RIMS1: variants seen among roughly 807,000 people sequenced by gnomAD.
The protein encoded by RIMS1 is regulating synaptic membrane exocytosis 1.
A neutral mutation model predicts 214.1 loss-of-function variants in RIMS1; 83 were observed. That is an observed-to-expected ratio of 0.39 (90% CI 0.32 to 0.47). The LOEUF (loss-of-function observed/expected upper bound fraction) is 0.47. Ranked by LOEUF, RIMS1 falls within the 20% of genes least tolerant of loss-of-function variation. RIMS1 has a pLI of 0.99. For missense variants in RIMS1, 2,050 were observed against 2,161.8 expected, an observed-to-expected ratio of 0.95 and a Z score of 1.03; for synonymous variants, 793 against 786.8, an observed-to-expected ratio of 1.01 and a Z score of -0.13.
chr6:72,277,594 A>AC (rs2087271291), intron 23 of RIMS1, among the ~76,000 whole-genome samples: 1 of 151,680 alleles, frequency 6.6e-6, no homozygotes. Context: ...AAAAAAAAAA[A>AC]GAATATTTTC....
intron 6 of RIMS1, among the ~76,000 whole-genome samples, chr6:72,217,923 T>C (rs150781677): frequency 7.0e-4 from 106 of 152,278 alleles, no homozygotes; most frequent in African/African-American, 2.5e-3. Flanking sequence ...CTTCTGGCCC[T>C]TGTTTCCCTT....
intron 24 of RIMS1, among the ~76,000 whole-genome samples, chr6:72,284,871 AGTT>A (rs1338638573): frequency 6.6e-6 from 1 of 152,174 alleles, no homozygotes; most frequent in African/African-American, 2.4e-5. Context: ...ACACAAGAAA[AGTT>A]GTGCAGTAAG....
At chr6:72,064,342 A>G (rs958302508) in intron 2 of RIMS1, among the ~76,000 whole-genome samples, 6 of 151,748 alleles carry the variant, frequency 4.0e-5, no homozygotes, top group African/African-American at 1.5e-4. Flanking sequence ...AGAGAGAGAG[A>G]GAGAGAGAGG....
intron 2 of RIMS1, among the ~76,000 whole-genome samples, chr6:72,034,950 G>A (rs527625): frequency 0.77 from 117,836 of 152,094 alleles, 46,276 homozygotes; most frequent in African/African-American, 0.91. Flanking sequence ...GACATTATAA[G>A]CCATAATAAC....
At chr6:72,028,396 T>A (rs1817144952) in intron 2 of RIMS1, among the ~76,000 whole-genome samples, 1 of 152,196 alleles carries the variant, frequency 6.6e-6, no homozygotes, top group Non-Finnish European at 1.5e-5. Flanking sequence ...TATTTAATTT[T>A]TAATATCTGT....
intron 28 of RIMS1, among the ~76,000 whole-genome samples, chr6:72,327,253 A>T (rs536521826): frequency 6.6e-6 from 1 of 151,908 alleles, no homozygotes; most frequent in African/African-American, 2.4e-5. Context: ...TAATTATTTC[A>T]TACCAAATCA....
intron 1 of RIMS1, among the ~76,000 whole-genome samples, chr6:71,931,402 T>C (rs569765991): frequency 3.9e-5 from 6 of 152,196 alleles, no homozygotes; most frequent in African/African-American, 1.4e-4. Flanking sequence ...TTTGCAGATA[T>C]ATTGAATTAT....
At chr6:72,111,572 T>C (rs2036093795) in intron 4 of RIMS1, among the ~76,000 whole-genome samples, 1 of 152,208 alleles carries the variant, frequency 6.6e-6, no homozygotes, top group African/African-American at 2.4e-5. Flanking sequence ...AGTTCCACTT[T>C]TTCAAGTTTT....
chr6:72,304,073 T>C (rs1486162986), intron 26 of RIMS1, among the ~76,000 whole-genome samples: 1 of 151,616 alleles, frequency 6.6e-6, no homozygotes, highest in East Asian at 1.9e-4. Context: ...AGTTATTATT[T>C]AGCTCTTGAT....
intron 31 of RIMS1, among the ~76,000 whole-genome samples, chr6:72,397,615 C>T (rs964278598): frequency 2.0e-5 from 3 of 152,074 alleles, no homozygotes; most frequent in Non-Finnish European, 2.9e-5. Flanking sequence ...TACAAGAATG[C>T]GTACAAGAAT....
At chr6:72,313,797 CT>C in intron 28 of RIMS1, 125 bp downstream of exon 28, 1 of 932,292 alleles carries the variant, frequency 1.1e-6, no homozygotes, top group Non-Finnish European at 1.6e-6. Context: ...TTATCGACTA[CT>C]ATGTAGTATT....
intron 6 of RIMS1, among the ~76,000 whole-genome samples, chr6:72,189,593 GTAGC>G (rs944509658): frequency 6.6e-6 from 1 of 152,222 alleles, no homozygotes; most frequent in African/African-American, 2.4e-5. Context: ...CTGCCACCAA[GTAGC>G]TGGCTGATCA....
At chr6:72,301,782 G>C (rs570583950) in intron 26 of RIMS1, among the ~76,000 whole-genome samples, 2 of 151,636 alleles carry the variant, frequency 1.3e-5, no homozygotes, top group South Asian at 2.1e-4. Flanking sequence ...AGAAACTTGA[G>C]CATCCGTGAA....
chr6:72,316,651 G>A (rs1412742128), intron 28 of RIMS1: 4 of 526,562 alleles, frequency 7.6e-6, no homozygotes, highest in Non-Finnish European at 1.5e-5. Context: ...CAGGTCCCAA[G>A]CATGGCTGAC....
intron 29 of RIMS1, among the ~76,000 whole-genome samples, chr6:72,378,031 C>G (rs2154413212): frequency 6.6e-6 from 1 of 152,298 alleles, no homozygotes; most frequent in South Asian, 2.1e-4. Context: ...TAAATAAATA[C>G]CTGCTCTGCT....
chr6:71,901,819 A>G (rs549002894), intron 1 of RIMS1, among the ~76,000 whole-genome samples: 2 of 152,142 alleles, frequency 1.3e-5, no homozygotes, highest in African/African-American at 4.8e-5. Flanking sequence ...AGAGACATCA[A>G]ATAGGATGAG....
rs144710309 is a variant in RIMS1 at position 71,979,597 on chromosome 6, T to C, written c.245+10534T>C. On this transcript the variant is annotated intron_variant, in intron 2 of 33. Coordinates refer to ENST00000521978, the MANE Select transcript of RIMS1 (RefSeq NM_014989.7). ...ACAAATATTTACCATGATCTTACAG[T>C]GTACTTGACACAATTTGAGAATAAT... 7.2e-3 allele frequency among the ~76,000 whole-genome samples: 1,095 copies of C among 152,248 alleles called. 13 individuals carry two copies. The highest frequency in any genetic ancestry group is 0.024 in the African/African-American group (995 of 41,568).
chr6:72,220,952 C>T (rs1419444220), intron 6 of RIMS1, among the ~76,000 whole-genome samples: 1 of 151,944 alleles, frequency 6.6e-6, no homozygotes, highest in Admixed American at 6.6e-5. Context: ...TCAATTAAGA[C>T]ATAAAAGTGA....
At chr6:72,215,069 G>A (rs918382706) in intron 6 of RIMS1, among the ~76,000 whole-genome samples, 2 of 152,136 alleles carry the variant, frequency 1.3e-5, no homozygotes, top group East Asian at 3.9e-4. Context: ...ATATGGTAGC[G>A]ATTTCAACCA....
Sources: gnomAD v4.1 joint callset for allele counts (sites outside exome capture counted in the v4.1 genomes callset) on GRCh38, gnomAD v4.1.1 for gene constraint, MANE v1.5 for transcripts, NCBI Gene and HGNC (gene_info 2026-07-23, HGNC 2026-07-21) for gene names.